ST8SIA4: variants seen among roughly 807,000 people sequenced by gnomAD.
ST8SIA4 encodes CMP-N-acetylneuraminate-poly-alpha-2,8-sialyltransferase.
ST8SIA4 carries 15 observed loss-of-function variants against 33.9 expected under a neutral mutation model. That is an observed-to-expected ratio of 0.44 (90% confidence interval 0.30 to 0.68). The LOEUF is 0.68. ST8SIA4 is among the 30% of genes least tolerant of loss of function. ST8SIA4 has a pLI of 0.10. For missense variants in ST8SIA4, 321 were observed against 428.0 expected (o/e 0.75, Z 2.21); for synonymous variants, 171 against 151.2 (o/e 1.13, Z -0.96).
chr5:100,882,127 G>A (rs1375128970), intron 3 of ST8SIA4, among the ~76,000 whole-genome samples: 1 of 152,196 alleles, frequency 6.6e-6, no homozygotes, highest in African/African-American at 2.4e-5. Context: ...GAAAATGTGG[G>A]AAAGTTTGGA....
intron 3 of ST8SIA4, among the ~76,000 whole-genome samples, chr5:100,862,219 A>G (rs1199900208): frequency 2.0e-5 from 3 of 152,172 alleles, no homozygotes; most frequent in Non-Finnish European, 2.9e-5. Flanking sequence ...GCAGTGTGGA[A>G]ACTTTAAAAC....
intron 4 of ST8SIA4, among the ~76,000 whole-genome samples, chr5:100,837,426 A>G (rs1751386112): frequency 6.6e-6 from 1 of 151,992 alleles, no homozygotes; most frequent in Non-Finnish European, 1.5e-5. Context: ...AATACATGAG[A>G]TAGACATTTC....
intron 1 of ST8SIA4, chr5:100,900,358 C>A: frequency 2.2e-6 from 1 of 454,270 alleles, no homozygotes; most frequent in Non-Finnish European, 4.4e-6. Context: ...AACCTCCATT[C>A]CAGTTTACTC....
Position 100,808,426 on chromosome 5 carries a change from C to T in ST8SIA4, c.*3421G>A, listed in dbSNP as rs1037048562. 1.3e-5 allele frequency: 2 copies of T among 152,616 alleles called. No individual in the cohort carries two copies. Among genetic ancestry groups the T allele is most frequent in the Non-Finnish European group, 2.9e-5 (2 of 68,026 alleles). The allele number at this position is 152,616 out of a possible 1,614,324, so 9.5% of individuals were successfully genotyped here. ...ATTTGCCAAGAAAATCTATTACTTG[C>T]TCACTTTTTATTTCAGCAACTTAAC... On this transcript the variant is annotated 3_prime_UTR_variant, in exon 5 of 5. Transcript: ENST00000231461.
At chr5:100,894,872 A>C (rs749094746) in intron 2 of ST8SIA4, among the ~76,000 whole-genome samples, 2 of 152,104 alleles carry the variant, frequency 1.3e-5, no homozygotes, top group African/African-American at 4.8e-5. Context: ...TTATTTTATT[A>C]TATAACGAAT....
intron 4 of ST8SIA4, among the ~76,000 whole-genome samples, chr5:100,831,818 CT>C (rs767248039): frequency 8.6e-5 from 13 of 152,006 alleles, no homozygotes; most frequent in Non-Finnish European, 1.8e-4. Context: ...TAAAAATTTT[CT>C]TTATCTAACT....
intron 3 of ST8SIA4, among the ~76,000 whole-genome samples, chr5:100,875,536 A>G (rs1752287143): frequency 1.3e-5 from 2 of 152,170 alleles, no homozygotes; most frequent in African/African-American, 4.8e-5. Flanking sequence ...CTGGCCGTAG[A>G]CAAATATTTT....
At chr5:100,847,902 C>T (rs1010901381) in intron 4 of ST8SIA4, among the ~76,000 whole-genome samples, 2 of 151,996 alleles carry the variant, frequency 1.3e-5, no homozygotes, top group Non-Finnish European at 2.9e-5. Context: ...TCTGGGAATC[C>T]TGGGCGGGTA....
At chr5:100,842,262 G>T (rs1470684819) in intron 4 of ST8SIA4, among the ~76,000 whole-genome samples, 2 of 151,718 alleles carry the variant, frequency 1.3e-5, no homozygotes, top group Non-Finnish European at 2.9e-5. Flanking sequence ...AGCAATTCTG[G>T]TGTATGCATC....
intron 4 of ST8SIA4, among the ~76,000 whole-genome samples, chr5:100,842,611 A>G (rs947526235): frequency 1.3e-5 from 2 of 151,796 alleles, no homozygotes; most frequent in African/African-American, 2.4e-5. Context: ...TGAGAAACAT[A>G]TATTTTGGTA....
intron 4 of ST8SIA4, among the ~76,000 whole-genome samples, chr5:100,835,789 C>A (rs1751352622): frequency 6.6e-6 from 1 of 152,118 alleles, no homozygotes; most frequent in Non-Finnish European, 1.5e-5. Context: ...TGGACATATT[C>A]ATTCATTATT....
At chr5:100,834,486 A>T (rs928487150) in intron 4 of ST8SIA4, among the ~76,000 whole-genome samples, 3 of 152,128 alleles carry the variant, frequency 2.0e-5, no homozygotes, top group African/African-American at 4.8e-5. Context: ...GAGTTTCTAA[A>T]GCTTTAATAT....
At chr5:100,841,848 A>G (rs1751477781) in intron 4 of ST8SIA4, among the ~76,000 whole-genome samples, 1 of 151,880 alleles carries the variant, frequency 6.6e-6, no homozygotes, top group Non-Finnish European at 1.5e-5. Flanking sequence ...CACCAGAGGT[A>G]TTACATGCAT....
intron 4 of ST8SIA4, among the ~76,000 whole-genome samples, chr5:100,848,221 C>T (rs1222920355): frequency 1.3e-5 from 2 of 151,546 alleles, no homozygotes; most frequent in African/African-American, 4.8e-5. Context: ...CCTAAGTGAC[C>T]ACAGTTGAAT....
At chr5:100,858,406 C>A (rs1240902438) in intron 3 of ST8SIA4, among the ~76,000 whole-genome samples, 1 of 151,926 alleles carries the variant, frequency 6.6e-6, no homozygotes, top group Admixed American at 6.6e-5. Context: ...ACTTTATTTT[C>A]ACTATAATAG....
intron 1 of ST8SIA4, among the ~76,000 whole-genome samples, chr5:100,898,756 A>AC (rs1053486528): frequency 6.6e-6 from 1 of 152,132 alleles, no homozygotes; most frequent in Non-Finnish European, 1.5e-5. Flanking sequence ...GGATGTTGCC[A>AC]CCCCCCTACT....
chr5:100,829,802 G>A (rs1480903333), intron 4 of ST8SIA4, among the ~76,000 whole-genome samples: 1 of 151,900 alleles, frequency 6.6e-6, no homozygotes, highest in Non-Finnish European at 1.5e-5. Flanking sequence ...CAGCTACTCG[G>A]GAGGCTGAGG....
At chr5:100,882,198 G>A (rs1752441653) in intron 3 of ST8SIA4, among the ~76,000 whole-genome samples, 1 of 152,188 alleles carries the variant, frequency 6.6e-6, no homozygotes, top group African/African-American at 2.4e-5. Flanking sequence ...TGGATAATAA[G>A]GTTCAGGCTG....
At chr5:100,840,803 C>T (rs1751455497) in intron 4 of ST8SIA4, among the ~76,000 whole-genome samples, 1 of 151,432 alleles carries the variant, frequency 6.6e-6, no homozygotes, top group Admixed American at 6.6e-5. Flanking sequence ...AAAAAAGTCC[C>T]CAAAGTTTTC....
Sources: allele counts gnomAD v4.1 joint callset (sites outside exome capture counted in the v4.1 genomes callset), GRCh38; gene constraint gnomAD v4.1.1; transcripts MANE v1.5; gene names NCBI Gene and HGNC (gene_info 2026-07-23, HGNC 2026-07-21).